Variants in FAM110B observed in about 807,000 individuals in gnomAD.
FAM110B encodes the protein protein FAM110B.
Under a neutral mutation model 20.4 loss-of-function variants are expected in FAM110B, and 6 were observed. The ratio of observed to expected loss-of-function variants is 0.29; its 90% CI spans 0.16 to 0.58. FAM110B has a LOEUF of 0.58. Ranked by LOEUF, FAM110B falls within the 20% of genes least tolerant of loss-of-function variation. The probability of loss-of-function intolerance (pLI) is 0.90; values close to 1 mark genes in which losing one functional copy is unlikely to be tolerated. For synonymous variants in FAM110B, 226 were observed against 214.1 expected (o/e 1.06, Z -0.49); for missense variants, 434 against 498.2 (o/e 0.87, Z 1.23).
rs147238066 is a variant in FAM110B, at chr8:58,100,544, G to T, written c.-325+24921G>T. 2.3e-3 allele frequency among the ~76,000 whole-genome samples: 352 copies of T among 152,334 alleles called. 1 individual carries two copies. The highest frequency in any genetic ancestry group is 9.5e-3 in the South Asian group (46 of 4,826). On this transcript the variant is annotated intron_variant, in intron 3 of 3. Coordinates refer to ENST00000519262, the MANE Select transcript of FAM110B (RefSeq NM_001377989.1). Reference sequence around the variant, plus strand: ...TTCTGGGGGCTCTGAGGGAGAATCTGTTCCATGCCTCTCCCAGCTTCTGCT... The same window carrying T: ...TTCTGGGGGCTCTGAGGGAGAATCTTTTCCATGCCTCTCCCAGCTTCTGCT...
intron 3 of FAM110B, among the ~76,000 whole-genome samples, chr8:58,124,841 A>G (rs1171912622): frequency 2.6e-5 from 4 of 152,212 alleles, no homozygotes; most frequent in African/African-American, 9.6e-5. Flanking sequence ...GTTCCTCTAA[A>G]TAGATTACAT....
At chr8:58,003,507 G>A (rs1804342441) in intron 1 of FAM110B, among the ~76,000 whole-genome samples, 1 of 152,190 alleles carries the variant, frequency 6.6e-6, no homozygotes, top group Non-Finnish European at 1.5e-5. Context: ...GGCAGCTATA[G>A]CCTTACAAAG....
intron 1 of FAM110B, among the ~76,000 whole-genome samples, chr8:58,001,492 G>T (rs1346931037): frequency 1.3e-5 from 2 of 152,106 alleles, no homozygotes; most frequent in Non-Finnish European, 2.9e-5. Flanking sequence ...TTTAACTCAT[G>T]TGGCCTGATT....
At chr8:58,101,410 T>C (rs73682147) in intron 3 of FAM110B, among the ~76,000 whole-genome samples, 33 of 152,334 alleles carry the variant, frequency 2.2e-4, no homozygotes, top group African/African-American at 7.9e-4. Flanking sequence ...TTTCTAATCA[T>C]CCTAGCTTAA....
intron 1 of FAM110B, among the ~76,000 whole-genome samples, chr8:58,003,467 C>T (rs1804341593): frequency 6.6e-6 from 1 of 152,200 alleles, no homozygotes; most frequent in East Asian, 1.9e-4. Flanking sequence ...TTCCACTTTT[C>T]CTGGATACAT....
At chr8:58,003,027 T>C (rs1405478844) in intron 1 of FAM110B, among the ~76,000 whole-genome samples, 1 of 152,256 alleles carries the variant, frequency 6.6e-6, no homozygotes, top group African/African-American at 2.4e-5. Flanking sequence ...ACTTTCAAAA[T>C]TGTAGTCAGT....
intron 3 of FAM110B, among the ~76,000 whole-genome samples, chr8:58,096,592 A>G (rs932561515): frequency 1.3e-5 from 2 of 152,188 alleles, no homozygotes; most frequent in Non-Finnish European, 2.9e-5. Context: ...TTATGATGCT[A>G]GCTGGTTATT....
At chr8:58,076,158 A>G (rs971048104) in intron 3 of FAM110B, among the ~76,000 whole-genome samples, 23 of 152,074 alleles carry the variant, frequency 1.5e-4, no homozygotes, top group Non-Finnish European at 2.9e-4. Flanking sequence ...ATGGGGTCTC[A>G]CTATGTTGCC....
At chr8:58,097,591 C>A (rs189122067) in intron 3 of FAM110B, among the ~76,000 whole-genome samples, 43 of 152,230 alleles carry the variant, frequency 2.8e-4, no homozygotes, top group African/African-American at 1.0e-3. Flanking sequence ...TCCTTGCTGG[C>A]TAGGAGTTGT....
intron 3 of FAM110B, among the ~76,000 whole-genome samples, chr8:58,080,905 T>A (rs1027584067): frequency 3.3e-5 from 5 of 152,208 alleles, no homozygotes; most frequent in African/African-American, 1.2e-4. Context: ...CCTATGGGTC[T>A]AGTTCTCTAT....
intron 1 of FAM110B, among the ~76,000 whole-genome samples, chr8:57,998,989 G>A (rs989987836): frequency 3.3e-5 from 5 of 152,126 alleles, no homozygotes; most frequent in East Asian, 3.8e-4. Flanking sequence ...TTTACAGTTC[G>A]TCTCATAAGG....
chr8:58,036,827 T>C (rs1229524782), intron 2 of FAM110B, among the ~76,000 whole-genome samples: 1 of 152,194 alleles, frequency 6.6e-6, no homozygotes, highest in East Asian at 1.9e-4. Flanking sequence ...TAAGCATGAG[T>C]GTATTTTAAT....
rs550619320 is a variant in FAM110B at position 58,007,818 on chromosome 8, A to G, written c.-512+13012A>G. 2.0e-5 allele frequency among the ~76,000 whole-genome samples: 3 copies of G among 151,678 alleles called. 1 individual carries two copies. The South Asian group carries it at 6.2e-4, about 31-fold the overall frequency. ...TGTCTAGTTTACAGAATTTTGTTAT[A>G]GAAGCCCCAATGGACTAAGGCACCT... is the stretch of plus-strand genomic sequence containing the variant. On this transcript the variant is annotated intron_variant, in intron 1 of 3. Transcript: ENST00000519262.
chr8:58,073,334 G>A (rs954294115), intron 2 of FAM110B, among the ~76,000 whole-genome samples: 2 of 152,152 alleles, frequency 1.3e-5, no homozygotes, highest in Admixed American at 6.5e-5. Context: ...TAGAAAGGGG[G>A]TGAGGAGTGC....
intron 1 of FAM110B, among the ~76,000 whole-genome samples, chr8:58,004,186 T>G (rs1804357263): frequency 6.6e-6 from 1 of 152,194 alleles, no homozygotes; most frequent in Non-Finnish European, 1.5e-5. Flanking sequence ...CCTCCACTGA[T>G]CTGACAGAAG....
At chr8:57,995,521 G>T (rs1804166972) in intron 1 of FAM110B, among the ~76,000 whole-genome samples, 1 of 152,150 alleles carries the variant, frequency 6.6e-6, no homozygotes, top group African/African-American at 2.4e-5. Context: ...TGGCAACAAA[G>T]CCCATACAGG....
intron 3 of FAM110B, among the ~76,000 whole-genome samples, chr8:58,107,369 A>T (rs768350003): frequency 1.6e-4 from 25 of 152,328 alleles, no homozygotes; most frequent in Non-Finnish European, 2.9e-4. Flanking sequence ...TCATTTTAAA[A>T]GAAGGCCCAC....
chr8:58,022,929 C>T (rs1454589982), intron 1 of FAM110B, among the ~76,000 whole-genome samples: 2 of 152,154 alleles, frequency 1.3e-5, no homozygotes, highest in East Asian at 1.9e-4. Context: ...GGTGATGAAC[C>T]CCAGCAGCCT....
intron 3 of FAM110B, among the ~76,000 whole-genome samples, chr8:58,085,240 T>C (rs1321650708): frequency 1.3e-5 from 2 of 152,114 alleles, no homozygotes; most frequent in Non-Finnish European, 2.9e-5. Flanking sequence ...TAGGCAGGCA[T>C]GGTGGCCCAC....
Sources: allele counts gnomAD v4.1 joint callset (sites outside exome capture counted in the v4.1 genomes callset), GRCh38; gene constraint gnomAD v4.1.1; transcripts MANE v1.5; gene names NCBI Gene and HGNC (gene_info 2026-07-23, HGNC 2026-07-21).